Variants in FNDC3A observed in about 807,000 individuals in gnomAD.
The protein encoded by FNDC3A is fibronectin type-III domain-containing protein 3A.
FNDC3A carries 32 observed loss-of-function variants against 148.9 expected under a neutral mutation model. The observed-to-expected ratio is 0.21, with a 90% CI of 0.16 to 0.29. The LOEUF is 0.29. FNDC3A is among the 10% of genes least tolerant of loss of function. The probability of loss-of-function intolerance (pLI) is 1.00; values close to 1 mark genes in which losing one functional copy is unlikely to be tolerated. For synonymous variants in FNDC3A, 472 were observed against 473.6 expected (o/e 1.00, Z 0.04); for missense variants, 1,191 against 1,452.8 (o/e 0.82, Z 2.93).
Position 49,075,287 on chromosome 13 carries a change from A to G in FNDC3A, c.100-2A>G, listed in dbSNP as rs1423822255. ...TTAATACTTCTTCCCCTCATTTTTAAGGTTATTCTGGTACAAGTTAACCCA... is the reference window on the plus strand; with the variant it reads ...TTAATACTTCTTCCCCTCATTTTTAGGGTTATTCTGGTACAAGTTAACCCA... On this transcript the variant is annotated splice_acceptor_variant, in intron 2 of 25. Coordinates refer to ENST00000492622, the MANE Select transcript of FNDC3A (RefSeq NM_001079673.2). LOFTEE classifies it high-confidence loss of function. 6.4e-7 allele frequency: 1 copy of G among 1,573,050 alleles called. No homozygotes were observed. Among genetic ancestry groups the G allele is most frequent in the Non-Finnish European group, 8.7e-7 (1 of 1,147,260 alleles).
Position 49,136,316 on chromosome 13 carries a change from T to G in FNDC3A, c.491-16T>G. The G allele has an allele frequency of 6.3e-7, 1 of 1,597,360 alleles. No individual in the cohort carries two copies. The highest frequency in any genetic ancestry group is 8.5e-7 in the Non-Finnish European group (1 of 1,169,820). ...GAAAGTGATCTTCTTAACATTTTGT[T>G]TTTATTGCCTCCTAGATGCTCACTC... On this transcript the variant is annotated splice_polypyrimidine_tract_variant and intron_variant, in intron 5 of 25. Coordinates refer to ENST00000492622, the MANE Select transcript of FNDC3A (RefSeq NM_001079673.2).
At chr13:49,161,831 A>T (rs1431776378) in intron 8 of FNDC3A, among the ~76,000 whole-genome samples, 1 of 152,058 alleles carries the variant, frequency 6.6e-6, no homozygotes, top group Non-Finnish European at 1.5e-5. Flanking sequence ...ATTTGCTTGT[A>T]AATTTGTCTG....
intron 7 of FNDC3A, among the ~76,000 whole-genome samples, chr13:49,143,915 C>T (rs1481994028): frequency 2.0e-5 from 3 of 151,676 alleles, no homozygotes; most frequent in Non-Finnish European, 4.4e-5. Context: ...GAGGCTGAGG[C>T]GGGAGGGTGG....
rs529550223 is a variant in FNDC3A, at chr13:49,113,792, G to C, written c.176-863G>C. Among the ~76,000 whole-genome samples, 15 of 152,244 alleles carry C rather than the reference G, an allele frequency of 9.9e-5. No homozygotes were observed. In the East Asian group the frequency reaches 2.7e-3, roughly 27 times the overall value. On this transcript the variant is annotated intron_variant, in intron 3 of 25. Transcript: ENST00000492622. ...ACAGGAAGAAAGGAACTGAAGGGGGGTAAGAGACTTTTTTAAAAGTTACAT... is the reference window on the plus strand; with the variant it reads ...ACAGGAAGAAAGGAACTGAAGGGGGCTAAGAGACTTTTTTAAAAGTTACAT...
chr13:49,182,506 A>G (rs1885357133), intron 14 of FNDC3A, among the ~76,000 whole-genome samples: 1 of 152,048 alleles, frequency 6.6e-6, no homozygotes, highest in Admixed American at 6.5e-5. Context: ...GAATTTTCTG[A>G]AAAAGTTTTT....
At chr13:49,133,622 C>CA (rs1882163324) in intron 5 of FNDC3A, among the ~76,000 whole-genome samples, 1 of 152,192 alleles carries the variant, frequency 6.6e-6, no homozygotes, top group Non-Finnish European at 1.5e-5. Context: ...TATGGATTCT[C>CA]AAAGTGGAAT....
intron 7 of FNDC3A, among the ~76,000 whole-genome samples, chr13:49,144,044 A>C (rs560779690): frequency 1.5e-3 from 220 of 150,606 alleles, no homozygotes; most frequent in Non-Finnish European, 1.6e-3. Flanking sequence ...AATAATAATA[A>C]TAATAATAAA....
At chr13:49,087,021 G>C (rs1273212928) in intron 3 of FNDC3A, among the ~76,000 whole-genome samples, 3 of 152,070 alleles carry the variant, frequency 2.0e-5, no homozygotes, top group African/African-American at 7.2e-5. Flanking sequence ...CTTTTCAAGA[G>C]AAAGTGTGTT....
At chr13:49,033,115 T>C (rs1874247120) in intron 2 of FNDC3A, among the ~76,000 whole-genome samples, 1 of 152,138 alleles carries the variant, frequency 6.6e-6, no homozygotes, top group South Asian at 2.1e-4. Context: ...TATATACATA[T>C]ATATAAACCG....
At chr13:49,000,265 G>A (rs1292657031) in intron 1 of FNDC3A, among the ~76,000 whole-genome samples, 1 of 152,184 alleles carries the variant, frequency 6.6e-6, no homozygotes, top group Non-Finnish European at 1.5e-5. Flanking sequence ...TGTATATAGT[G>A]TAAGATAATC....
chr13:49,036,834 A>T (rs954869589), intron 2 of FNDC3A, among the ~76,000 whole-genome samples: 1 of 152,230 alleles, frequency 6.6e-6, no homozygotes, highest in African/African-American at 2.4e-5. Flanking sequence ...GTTCACAGTC[A>T]TAGTGGTTGA....
chr13:49,130,355 T>G (rs1881953327), intron 4 of FNDC3A, among the ~76,000 whole-genome samples: 1 of 152,168 alleles, frequency 6.6e-6, no homozygotes, highest in African/African-American at 2.4e-5. Context: ...ATTGTCCTGG[T>G]CATGGTCATA....
intron 9 of FNDC3A, 60 bp from the exon 10 acceptor site, chr13:49,168,553 A>C: frequency 1.6e-6 from 2 of 1,279,726 alleles, no homozygotes; most frequent in Non-Finnish European, 2.2e-6. Context: ...TAAAGGTGAC[A>C]CTATTGAAAA....
chr13:49,188,486 CTGAT>C (rs1566316638), intron 16 of FNDC3A, 25 bp from the exon 17 acceptor site: 1 of 1,376,514 alleles, frequency 7.3e-7, no homozygotes. Flanking sequence ...TACCTAGTAT[CTGAT>C]TGAACACAAT....
chr13:49,158,640 A>G (rs1172378831), intron 8 of FNDC3A, among the ~76,000 whole-genome samples: 4 of 152,106 alleles, frequency 2.6e-5, no homozygotes, highest in African/African-American at 7.2e-5. Flanking sequence ...CCATTTGTCT[A>G]TTTTGGCTTT....
intron 2 of FNDC3A, among the ~76,000 whole-genome samples, chr13:49,012,721 G>A (rs938137549): frequency 1.3e-5 from 2 of 151,120 alleles, no homozygotes; most frequent in African/African-American, 4.9e-5. Flanking sequence ...TCACAGTGAA[G>A]TTTTATAATT....
At chr13:49,161,040 C>G (rs1884074207) in intron 8 of FNDC3A, among the ~76,000 whole-genome samples, 1 of 152,112 alleles carries the variant, frequency 6.6e-6, no homozygotes, top group African/African-American at 2.4e-5. Context: ...TTACTTCCAA[C>G]TATGTGGTCA....
chr13:49,170,544 AG>A (rs1180146810), intron 10 of FNDC3A, among the ~76,000 whole-genome samples: 2 of 152,172 alleles, frequency 1.3e-5, no homozygotes, highest in Non-Finnish European at 1.5e-5. Context: ...TCTTATTGCC[AG>A]TCCCCCAAGG....
At chr13:48,993,428 T>A (rs1951957366) in intron 1 of FNDC3A, among the ~76,000 whole-genome samples, 1 of 152,228 alleles carries the variant, frequency 6.6e-6, no homozygotes, top group Non-Finnish European at 1.5e-5. Context: ...ATTTGAAAGC[T>A]GTGATCTTAG....
Sources: allele counts gnomAD v4.1 joint callset (sites outside exome capture counted in the v4.1 genomes callset), GRCh38; gene constraint gnomAD v4.1.1; transcripts MANE v1.5; gene names NCBI Gene and HGNC (gene_info 2026-07-23, HGNC 2026-07-21).